Variants in GRIK2 observed in about 807,000 individuals in gnomAD.
GRIK2 encodes glutamate receptor ionotropic, kainate 2.
A neutral mutation model predicts 100.3 loss-of-function variants in GRIK2; 32 were observed. That is an observed-to-expected ratio of 0.32 (90% confidence interval 0.24 to 0.43). The LOEUF is 0.43. Among genes scored for constraint, GRIK2 ranks in the 20% least tolerant of loss-of-function variants. GRIK2 has a pLI of 1.00. For synonymous variants in GRIK2, 417 were observed against 389.4 expected (o/e 1.07, Z -0.83); for missense variants, 843 against 1,114.9 (o/e 0.76, Z 3.47).
intron 9 of GRIK2, among the ~76,000 whole-genome samples, chr6:101,816,885 A>G (rs1781665701): frequency 6.6e-6 from 1 of 152,088 alleles, no homozygotes; most frequent in South Asian, 2.1e-4. Context: ...CCCAAGGCAC[A>G]CAGCTGTTGG....
At chr6:101,843,957 C>A (rs1783664038) in intron 10 of GRIK2, among the ~76,000 whole-genome samples, 1 of 152,078 alleles carries the variant, frequency 6.6e-6, no homozygotes, top group Non-Finnish European at 1.5e-5. Context: ...GAGTAGATAT[C>A]ATATCTTTTT....
At chr6:101,503,318 T>C (rs1456328814) in intron 2 of GRIK2, among the ~76,000 whole-genome samples, 2 of 152,010 alleles carry the variant, frequency 1.3e-5, no homozygotes, top group Non-Finnish European at 2.9e-5. Flanking sequence ...GCACAGATAG[T>C]GTAGACTACT....
At chr6:101,593,998 A>G (rs1290306986) in intron 2 of GRIK2, among the ~76,000 whole-genome samples, 1 of 151,938 alleles carries the variant, frequency 6.6e-6, no homozygotes, top group Admixed American at 6.6e-5. Context: ...TATGTAAAAA[A>G]CAAAAAATGT....
intron 2 of GRIK2, among the ~76,000 whole-genome samples, chr6:101,439,617 T>C (rs1769933660): frequency 6.6e-6 from 1 of 152,118 alleles, no homozygotes; most frequent in Admixed American, 6.6e-5. Context: ...TAAATATCCC[T>C]CTCCTTTTCA....
At chr6:101,793,465 A>G (rs1031364817) in intron 7 of GRIK2, among the ~76,000 whole-genome samples, 27 of 152,286 alleles carry the variant, frequency 1.8e-4, no homozygotes, top group African/African-American at 6.3e-4. Context: ...AGTTTGCTAG[A>G]GGACCACTCC....
chr6:102,002,184 T>A (rs1038578484), intron 14 of GRIK2, among the ~76,000 whole-genome samples: 4 of 150,514 alleles, frequency 2.7e-5, no homozygotes, highest in Admixed American at 1.3e-4. Flanking sequence ...TATTACTATT[T>A]AGGGGAATTA....
intron 2 of GRIK2, among the ~76,000 whole-genome samples, chr6:101,473,096 T>TC (rs1772034952): frequency 7.6e-6 from 1 of 130,804 alleles, no homozygotes; most frequent in South Asian, 2.5e-4. Context: ...GAATCCTAGG[T>TC]TTTCCTTCCT....
chr6:101,527,062 C>A (rs1203223681), intron 2 of GRIK2, among the ~76,000 whole-genome samples: 2 of 152,116 alleles, frequency 1.3e-5, no homozygotes, highest in African/African-American at 2.4e-5. Context: ...CTGGCCCTAC[C>A]CTTTCAGAGA....
At chr6:101,687,511 A>G (rs1164510808) in intron 7 of GRIK2, among the ~76,000 whole-genome samples, 4 of 151,944 alleles carry the variant, frequency 2.6e-5, no homozygotes. Flanking sequence ...AATTACTTCA[A>G]TAGCTTCAAA....
At chr6:101,861,111 A>C (rs1381636160) in intron 11 of GRIK2, among the ~76,000 whole-genome samples, 1 of 152,158 alleles carries the variant, frequency 6.6e-6, no homozygotes, top group Non-Finnish European at 1.5e-5. Flanking sequence ...AACACTTTGA[A>C]ACTTAACTTT....
intron 11 of GRIK2, among the ~76,000 whole-genome samples, chr6:101,865,888 C>CA (rs1359067993): frequency 1.0e-4 from 9 of 88,138 alleles, no homozygotes; most frequent in South Asian, 3.7e-4. Context: ...GACCCCGTCT[C>CA]AAAAAAAAAG....
In GRIK2 at chr6:101,874,815, T is replaced by C. The variant is rs555424650; in HGVS notation, c.1525-14825T>C. On this transcript the variant is annotated intron_variant, in intron 11 of 16. Transcript: ENST00000369134. ...TTCTCCTTGAAGAGGTCCTTCACGT[T>C]CCTTGTAAGTTGGATTCCTCAGTAT... Among the ~76,000 whole-genome samples the C allele has an allele frequency of 5.3e-5, 8 of 152,068 alleles. No individual in the cohort carries two copies. The South Asian group carries it at 1.2e-3, about 24-fold the overall frequency.
chr6:101,424,011 T>G (rs1207197032), intron 2 of GRIK2, among the ~76,000 whole-genome samples: 2 of 152,154 alleles, frequency 1.3e-5, no homozygotes, highest in Non-Finnish European at 2.9e-5. Flanking sequence ...AAGATTATAA[T>G]GATTACTCAT....
intron 7 of GRIK2, among the ~76,000 whole-genome samples, chr6:101,737,398 TG>T (rs1278184426): frequency 6.6e-6 from 1 of 152,234 alleles, no homozygotes; most frequent in Non-Finnish European, 1.5e-5. Context: ...TCCACATGGC[TG>T]GGGAGCCTCA....
intron 2 of GRIK2, among the ~76,000 whole-genome samples, chr6:101,568,123 C>G (rs545830131): frequency 1.3e-5 from 2 of 151,888 alleles, no homozygotes; most frequent in African/African-American, 4.8e-5. Context: ...GTTTAAGTAG[C>G]TTTTTTGTCA....
chr6:101,586,903 A>G (rs1778396110), intron 2 of GRIK2, among the ~76,000 whole-genome samples: 1 of 150,346 alleles, frequency 6.7e-6, no homozygotes, highest in Admixed American at 6.6e-5. Flanking sequence ...AAAAAAAAAA[A>G]AAAAAAAAAA....
chr6:101,937,380 A>C (rs769867181), intron 14 of GRIK2, among the ~76,000 whole-genome samples: 2 of 152,136 alleles, frequency 1.3e-5, no homozygotes, highest in Non-Finnish European at 2.9e-5. Context: ...GGGAGTGAGA[A>C]AACTCAAAAG....
chr6:101,568,678 T>C (rs1777395353), intron 2 of GRIK2, among the ~76,000 whole-genome samples: 1 of 152,108 alleles, frequency 6.6e-6, no homozygotes, highest in Admixed American at 6.6e-5. Flanking sequence ...ATGTCAACCA[T>C]AAAATTTATT....
intron 14 of GRIK2, among the ~76,000 whole-genome samples, chr6:101,964,405 C>G (rs931487323): frequency 2.0e-5 from 3 of 152,006 alleles, no homozygotes; most frequent in African/African-American, 7.2e-5. Context: ...TTAAGAGCCT[C>G]TAGCTATTGG....
Sources: gnomAD v4.1 joint callset for allele counts (sites outside exome capture counted in the v4.1 genomes callset) on GRCh38, gnomAD v4.1.1 for gene constraint, MANE v1.5 for transcripts, NCBI Gene and HGNC (gene_info 2026-07-23, HGNC 2026-07-21) for gene names.